The following COL4A6 variants were observed in gnomAD, a reference collection of about 807,000 sequenced individuals.
COL4A6 encodes the protein collagen alpha-6(IV) chain.
In COL4A6, 59 loss-of-function variants were observed where a neutral mutation model predicts 126.7. The ratio of observed to expected loss-of-function variants is 0.47; its 90% CI spans 0.38 to 0.58. The LOEUF (loss-of-function observed/expected upper bound fraction) is 0.58. Among genes scored for constraint, COL4A6 ranks in the 20% least tolerant of loss-of-function variants. The probability of loss-of-function intolerance (pLI) is 0.00; values close to 1 mark genes in which losing one functional copy is unlikely to be tolerated. For synonymous variants in COL4A6, 547 were observed against 496.6 expected (o/e 1.10, Z -1.35); for missense variants, 1,285 against 1,337.3 (o/e 0.96, Z 0.61).
At chrX:108,285,249 A>T (rs907598865) in intron 3 of COL4A6, among the ~76,000 whole-genome samples, 17 of 111,547 alleles carry the variant, frequency 1.5e-4, no homozygotes, top group Non-Finnish European at 2.8e-4. Context: ...CTCTGAAGTC[A>T]CAATCTGGAG....
intron 2 of COL4A6, chrX:108,383,645 A>G: frequency 1.9e-6 from 1 of 538,375 alleles, no homozygotes; most frequent in African/African-American, 2.3e-5. Context: ...GACCAATTTA[A>G]GGGGAAAACC....
At chrX:108,368,611 A>C (rs1411536639) in intron 2 of COL4A6, among the ~76,000 whole-genome samples, 8 of 112,112 alleles carry the variant, frequency 7.1e-5, no homozygotes, top group Non-Finnish European at 1.5e-4. Context: ...ATTTTACTTT[A>C]TATAATTCTA....
chrX:108,292,013 T>A lies in COL4A6; in HGVS notation c.144+18735A>T, dbSNP rs754042553. Among the ~76,000 whole-genome samples the A allele has an allele frequency of 4.5e-5, 5 of 112,072 alleles. No homozygotes were observed. In the East Asian group the frequency reaches 1.4e-3, roughly 31 times the overall value. On this transcript the variant is annotated intron_variant, in intron 3 of 44. Coordinates refer to ENST00000334504, the MANE Select transcript of COL4A6 (RefSeq NM_033641.4). ...GTATAGAATATATCTATGCCCAATA[T>A]AAGGCATACAACTTAATTTTTTATG...
intron 3 of COL4A6, among the ~76,000 whole-genome samples, chrX:108,276,955 G>A (rs964057671): frequency 2.0e-4 from 23 of 112,547 alleles, no homozygotes; most frequent in Non-Finnish European, 3.7e-4. Context: ...GAAAGCAATG[G>A]AACCTTTGTC....
chrX:108,193,280 C>G (rs1036415274), intron 17 of COL4A6, among the ~76,000 whole-genome samples: 1 of 111,985 alleles, frequency 8.9e-6, no homozygotes, highest in Non-Finnish European at 1.9e-5. Context: ...CTACATGAGG[C>G]CCTGAGTATT....
chrX:108,209,737 T>C (rs1397018578), intron 8 of COL4A6, among the ~76,000 whole-genome samples: 1 of 112,297 alleles, frequency 8.9e-6, no homozygotes, highest in African/African-American at 3.2e-5. Context: ...TGAATACATG[T>C]CTCTGGCCTA....
Position 108,169,554 on chromosome X carries a change from G to C in COL4A6, c.3632C>G (p.Pro1211Arg). Reference sequence around the variant, plus strand: ...CCCTGGAGCTCCGATGCCAATTCCTGGATATCCTTTTTCTCCTTTGGGTCC... The same window carrying C: ...CCCTGGAGCTCCGATGCCAATTCCTCGATATCCTTTTTCTCCTTTGGGTCC... ...LPGPKGEKGYPGIGIGAPGKP... is the reference protein window; with the variant it reads ...LPGPKGEKGYRGIGIGAPGKP... Residue 1211 changes from proline (P) to arginine (R), a missense_variant, in exon 37 of 45, where the codon CCA becomes CGA. Physicochemically the swap from Pro to Arg is moderately radical, Grantham distance 103 (BLOSUM62 -2). Transcript: ENST00000334504. 1 of 1,211,591 alleles carries C rather than the reference G, an allele frequency of 8.3e-7. No homozygotes were observed. Among genetic ancestry groups the C allele is most frequent in the Non-Finnish European group, 1.1e-6 (1 of 895,454 alleles).
chrX:108,268,982 A>G (rs2037381035), intron 3 of COL4A6: 1 of 291,796 alleles, frequency 3.4e-6, no homozygotes, highest in Non-Finnish European at 6.5e-6. Flanking sequence ...AAATCACTGC[A>G]AGTAATCTGT....
chrX:108,192,831 ACTT>A (rs756981934), intron 17 of COL4A6, among the ~76,000 whole-genome samples: 53 of 112,524 alleles, frequency 4.7e-4, no homozygotes, highest in South Asian at 1.1e-3. Flanking sequence ...TCTGGTAAGT[ACTT>A]CTTCTTCTTC....
chrX:108,282,576 G>A (rs2037872268), intron 3 of COL4A6, among the ~76,000 whole-genome samples: 1 of 110,959 alleles, frequency 9.0e-6, no homozygotes, highest in Non-Finnish European at 1.9e-5. Flanking sequence ...AACCATTGTG[G>A]AAGTCAGTGT....
intron 3 of COL4A6, among the ~76,000 whole-genome samples, chrX:108,287,007 T>C (rs2038024206): frequency 9.0e-6 from 1 of 111,623 alleles, no homozygotes; most frequent in Non-Finnish European, 1.9e-5. Flanking sequence ...ATGTTGAGAA[T>C]AGTGGAGAAA....
At chrX:108,165,239 G>A (rs762477564) in intron 38 of COL4A6, 131 bp downstream of exon 38, 47 of 754,963 alleles carry the variant, frequency 6.2e-5, no homozygotes, top group Middle Eastern at 4.4e-4. Context: ...GTCCCCACTC[G>A]GGGAGGGATG....
intron 27 of COL4A6, among the ~76,000 whole-genome samples, chrX:108,178,026 T>A (rs1270918254): frequency 8.9e-6 from 1 of 112,076 alleles, no homozygotes; most frequent in Non-Finnish European, 1.9e-5. Context: ...TATGTGAAGA[T>A]CTCAGAAACA....
intron 3 of COL4A6, among the ~76,000 whole-genome samples, chrX:108,258,867 G>A (rs2037078965): frequency 9.0e-6 from 1 of 111,249 alleles, no homozygotes; most frequent in African/African-American, 3.3e-5. Flanking sequence ...TAAAGAACTG[G>A]TAACCAAGAC....
intron 13 of COL4A6, among the ~76,000 whole-genome samples, chrX:108,198,852 T>C (rs1360266376): frequency 9.0e-6 from 1 of 111,152 alleles, no homozygotes; most frequent in Admixed American, 9.5e-5. Flanking sequence ...ACCTACTCAA[T>C]AGTTACCTCA....
chrX:108,244,294 C>T (rs1358736080), intron 3 of COL4A6, among the ~76,000 whole-genome samples: 3 of 111,187 alleles, frequency 2.7e-5, no homozygotes, highest in African/African-American at 9.8e-5. Flanking sequence ...AATATATCTA[C>T]CTTGAAAGAC....
Position 108,299,539 on chromosome X carries a change from A to G in COL4A6, c.144+11209T>C, listed in dbSNP as rs2038427820. 3.6e-5 allele frequency among the ~76,000 whole-genome samples: 4 copies of G among 111,494 alleles called. No homozygotes were observed. In the South Asian group the frequency reaches 1.6e-3, roughly 43 times the overall value. On this transcript the variant is annotated intron_variant, in intron 3 of 44. Transcript: ENST00000334504. ...TTGGCATTCCCCCAACAACTTGTGAAGGGGGTAGCAATCACTGACTCGTGT... is the reference window on the plus strand; with the variant it reads ...TTGGCATTCCCCCAACAACTTGTGAGGGGGGTAGCAATCACTGACTCGTGT...
chrX:108,409,042 G>A (rs2041273482), intron 2 of COL4A6, among the ~76,000 whole-genome samples: 1 of 112,340 alleles, frequency 8.9e-6, no homozygotes, highest in African/African-American at 3.2e-5. Context: ...GGATACAAAA[G>A]GGGTATGTTG....
rs2038603346 is a variant in COL4A6 at position 108,305,466 on chromosome X, G to A, written c.144+5282C>T. Among the ~76,000 whole-genome samples the A allele has an allele frequency of 9.0e-5, 10 of 111,641 alleles. No individual in the cohort carries two copies. The Admixed American group carries it at 9.5e-4, about 11-fold the overall frequency. On this transcript the variant is annotated intron_variant, in intron 3 of 44. Coordinates refer to ENST00000334504, the MANE Select transcript of COL4A6 (RefSeq NM_033641.4). ...TTCGGATTTTATTGTGAAGTCCATG[G>A]GGGAGCCATTGAAGGACTTTAAGCA...
Sources: gnomAD v4.1 joint callset for allele counts (sites outside exome capture counted in the v4.1 genomes callset) on GRCh38, gnomAD v4.1.1 for gene constraint, MANE v1.5 for transcripts, NCBI Gene and HGNC (gene_info 2026-07-23, HGNC 2026-07-21) for gene names.